Variants in LAMB2 observed in about 807,000 individuals in gnomAD.
LAMB2 encodes laminin subunit beta-2.
In LAMB2, 119 loss-of-function variants were observed where a neutral mutation model predicts 202.7. The ratio of observed to expected loss-of-function variants is 0.59; its 90% CI spans 0.51 to 0.68. The LOEUF (loss-of-function observed/expected upper bound fraction) is 0.68, where lower values mean the gene tolerates loss of function less well. Among genes scored for constraint, LAMB2 ranks in the 30% least tolerant of loss-of-function variants. LAMB2 has a pLI of 0.00. For synonymous variants in LAMB2, 818 were observed against 902.2 expected, an observed-to-expected ratio of 0.91 and a Z score of 1.67; for missense variants, 2,124 against 2,410.6, an observed-to-expected ratio of 0.88 and a Z score of 2.49.
In LAMB2 at chr3:49,129,794, C is replaced by T. The variant is rs910724693; in HGVS notation, c.1405+45G>A. On this transcript the variant is annotated intron_variant, in intron 10 of 31. Coordinates refer to ENST00000305544, the MANE Select transcript of LAMB2 (RefSeq NM_002292.4). The surrounding 1 kb of genome is among the most constrained non-coding windows in gnomAD (Gnocchi z 6.1). The stretch of plus-strand genomic sequence containing the variant: ...TTCAGCTGAGTCAGGAGTAAGAGGA[C>T]AGGGGTTAAAGGTCAGCATAGAAGT... 6.2e-7 allele frequency: 1 copy of T among 1,612,060 alleles called. No individual in the cohort carries two copies. The highest frequency in any genetic ancestry group is 1.3e-5 in the African/African-American group (1 of 74,862).
In LAMB2 at chr3:49,125,108, G is replaced by T. The variant is rs776225413; in HGVS notation, c.2782C>A (p.Pro928Thr). 6 of 1,613,748 alleles carry T rather than the reference G, an allele frequency of 3.7e-6. No homozygotes were observed. Among genetic ancestry groups the T allele is most frequent in the Non-Finnish European group, 5.1e-6 (6 of 1,179,990 alleles). The change falls in exon 20 of 32, where the codon CCC becomes ACC. Residue 928 changes from proline to threonine, a missense_variant. By Grantham distance (38) the Pro-to-Thr change is conservative. Coordinates refer to ENST00000305544, the MANE Select transcript of LAMB2 (RefSeq NM_002292.4). The part of the protein sequence containing the change: ...LPYGGQCRPC[P>T]CPEGPGSQRH... ...TGGCTCCCAGGGCCTTCAGGACAGG[G>T]ACAGGGCCGGCACTGGCCCCCATAT...
chr3:49,126,170 G>GC lies in LAMB2; in HGVS notation c.2152-12_2152-11insG. Reference sequence around the variant, plus strand: ...GGGCAGCAGCACCAGCTGAAGGAGTGAGCAAGGAAGATCGCAGTTCAGACC... The same window carrying GC: ...GGGCAGCAGCACCAGCTGAAGGAGTGCAGCAAGGAAGATCGCAGTTCAGACC... On this transcript the variant is annotated splice_polypyrimidine_tract_variant and intron_variant, in intron 16 of 31. Transcript: ENST00000305544. The GC allele has an allele frequency of 1.9e-6, 3 of 1,611,242 alleles. No homozygotes were observed. Among genetic ancestry groups the GC allele is most frequent in the Non-Finnish European group, 2.5e-6 (3 of 1,179,862 alleles).
At position 49,130,715 on chromosome 3, in the gene LAMB2, C is replaced by T. The variant is rs754314245; in HGVS notation, c.1036+25G>A. ...ACAGCCAGGCTGCAGAGTGCTGGAG[C>T]TATGGAGGCCAAGATCTCACTCACT... On this transcript the variant is annotated intron_variant, in intron 8 of 31. Transcript: ENST00000305544. The surrounding 1 kb of genome is among the most constrained non-coding windows in gnomAD (Gnocchi z 5.0). 6.2e-7 allele frequency: 1 copy of T among 1,613,240 alleles called. No homozygotes were observed. Among genetic ancestry groups the T allele is most frequent in the Middle Eastern group, 1.6e-4 (1 of 6,062 alleles).
chr3:49,125,313 T>A lies in LAMB2; in HGVS notation c.2660A>T (p.Asn887Ile), dbSNP rs376553423. Residue 887 changes from asparagine to isoleucine, a missense_variant, in exon 19 of 32, where the codon AAC (asparagine) becomes ATC (isoleucine). Physicochemically the swap from Asn to Ile is moderately radical, Grantham distance 149. Transcript: ENST00000305544. ...CVCNGHADEC[N>I]THTGACLGCR... is the part of the protein sequence containing the mutation. ...GCCCAGGCAAGCGCCTGTGTGGGTGTTGCACTCATCTGCATGCCCATTGCA... is the reference window on the plus strand; with the variant it reads ...GCCCAGGCAAGCGCCTGTGTGGGTGATGCACTCATCTGCATGCCCATTGCA... 59 of 1,613,834 alleles carry A rather than the reference T, an allele frequency of 3.7e-5. No homozygotes were observed. The African/African-American group carries it at 6.9e-4, about 19-fold the overall frequency.
chr3:49,124,991 C>G lies in LAMB2; in HGVS notation c.2884+15G>C. ...CCAACTCACCCTGATCCCACGCCTG[C>G]CCCCATCCACTCACCCGTATAGCCT... On this transcript the variant is annotated intron_variant, in intron 20 of 31. Coordinates refer to ENST00000305544, the MANE Select transcript of LAMB2 (RefSeq NM_002292.4). The G allele has an allele frequency of 6.2e-7, 1 of 1,613,948 alleles. No homozygotes were observed. The highest frequency in any genetic ancestry group is 1.1e-5 in the South Asian group (1 of 91,076).
chr3:49,132,289 G>C lies in LAMB2; in HGVS notation c.366C>G (p.Ala122=). ...CCTCACCATTCTCTGACTGCCACCA[G>C]GCTGCCCGCCGCTGTGGTGCAAAGC... ...VTSFAPQRRA[A]WWQSENGIPA... Residue 122 remains alanine (A), a synonymous_variant, in exon 3 of 32, where the codon GCC becomes GCG. Coordinates refer to ENST00000305544, the MANE Select transcript of LAMB2 (RefSeq NM_002292.4). This position sits in a 1 kb window ranked among gnomAD's most constrained non-coding sequence, Gnocchi z 4.6. 6.2e-7 allele frequency: 1 copy of C among 1,614,250 alleles called. No homozygotes were observed. Among genetic ancestry groups the C allele is most frequent in the Non-Finnish European group, 8.5e-7 (1 of 1,180,040 alleles).
At position 49,121,874 on chromosome 3, in the gene LAMB2, G is replaced by A; in HGVS notation, c.4924-14C>T. ...CCTCTCCTGTACCTGCCATGGGTGAGCCAAAGGTTACACAGATCTACGGTT... is the reference window on the plus strand; with the variant it reads ...CCTCTCCTGTACCTGCCATGGGTGAACCAAAGGTTACACAGATCTACGGTT... On this transcript the variant is annotated splice_polypyrimidine_tract_variant and intron_variant, in intron 29 of 31. Transcript: ENST00000305544. The A allele has an allele frequency of 6.2e-7, 1 of 1,613,222 alleles. No individual in the cohort carries two copies. Among genetic ancestry groups the A allele is most frequent in the Non-Finnish European group, 8.5e-7 (1 of 1,180,034 alleles).
chr3:49,122,231 CGCATCCACATCT>C lies in LAMB2; in HGVS notation c.4701_4712del (p.Asp1568_Ala1571del). Reference sequence around the variant, plus strand: ...CATCTCCTACAGTACGTGCCAGGATCGCATCCACATCTGCCAGGCTCCGGACTCGCTCTGCAA... The same window carrying C: ...CATCTCCTACAGTACGTGCCAGGATCGCCAGGCTCCGGACTCGCTCTGCAA... On this transcript the variant is annotated inframe_deletion, in exon 28 of 32. Coordinates refer to ENST00000305544, the MANE Select transcript of LAMB2 (RefSeq NM_002292.4). 6.2e-7 allele frequency: 1 copy of C among 1,613,476 alleles called. No individual in the cohort carries two copies. Among genetic ancestry groups the C allele is most frequent in the Non-Finnish European group, 8.5e-7 (1 of 1,180,046 alleles).
At chr3:49,125,586 G>T in intron 18 of LAMB2, 102 bp from the exon 19 acceptor site, 1 of 1,385,466 alleles carries the variant, frequency 7.2e-7, no homozygotes, top group Non-Finnish European at 1.0e-6. Context: ...GAGTCTAGGT[G>T]GGAAGGTCAG....
rs1200209226 is a variant in LAMB2, at chr3:49,123,921, G to A, written c.3604C>T (p.Gln1202Ter). Residue 1202 changes from glutamine (Q) to a stop codon, truncating the protein, a stop_gained, in exon 24 of 32, where the codon CAG (glutamine) becomes TAG (stop). Transcript: ENST00000305544. LOFTEE classifies it high-confidence loss of function. ...ACFGDWDRVV[Q>*]DLAARTQRLE... ...CGCTGTGTACGGGCTGCCAAGTCCTGCACCACTCGGTCCCAATCCCCGAAG... is the reference window on the plus strand; with the variant it reads ...CGCTGTGTACGGGCTGCCAAGTCCTACACCACTCGGTCCCAATCCCCGAAG... 1 of 1,613,232 alleles carries A rather than the reference G, an allele frequency of 6.2e-7. No homozygotes were observed. The highest frequency in any genetic ancestry group is 8.5e-7 in the Non-Finnish European group (1 of 1,180,030).
In LAMB2 at chr3:49,121,969, C is replaced by T. The variant is rs149690378; in HGVS notation, c.4898G>A (p.Arg1633Gln). 4.3e-6 allele frequency: 7 copies of T among 1,613,990 alleles called. No homozygotes were observed. The highest frequency in any genetic ancestry group is 5.1e-6 in the Non-Finnish European group (6 of 1,180,042). Residue 1633 changes from arginine (R) to glutamine (Q), a missense_variant, in exon 29 of 32, where the codon CGG (arginine) becomes CAG (glutamine). Physicochemically the swap from Arg to Gln is conservative, Grantham distance 43 (BLOSUM62 1). This residue lies in a region of LAMB2 where 1,702 missense variants were observed against 1,896.3 expected (regional missense o/e 0.90). Transcript: ENST00000305544. ...CTGGTACAGGGTCTGCTCTGTGTCC[C>T]GTGTGTCAGCCACTGCCCCCCGGAT... Reference protein sequence around the residue: ...GAIRGAVADTRDTEQTLYQVQ... With the variant: ...GAIRGAVADTQDTEQTLYQVQ...
At chr3:49,127,891 G>A (rs544002151) in intron 15 of LAMB2, among the ~76,000 whole-genome samples, 3 of 151,182 alleles carry the variant, frequency 2.0e-5, no homozygotes, top group East Asian at 3.9e-4. Context: ...GTGGTGGCGT[G>A]CACCTGTAGT....
intron 15 of LAMB2, among the ~76,000 whole-genome samples, chr3:49,127,497 C>T (rs1345236988): frequency 2.6e-5 from 4 of 151,890 alleles, no homozygotes; most frequent in Non-Finnish European, 5.9e-5. Context: ...AGATCGAGAC[C>T]ATCCTGGCTA....
rs2045385772 is a variant in LAMB2 at position 49,124,303 on chromosome 3, G to A, written c.3328-17C>T. The A allele has an allele frequency of 6.2e-7, 1 of 1,613,846 alleles. No homozygotes were observed. The highest frequency in any genetic ancestry group is 1.3e-5 in the African/African-American group (1 of 75,068). ...CCCTGTGAACTGGGGTGGGAACAAG[G>A]CAGGGTCAGAGCCTCTATAAGAGGC... On this transcript the variant is annotated splice_polypyrimidine_tract_variant and intron_variant, in intron 22 of 31. Transcript: ENST00000305544.
intron 31 of LAMB2, 30 bp from the exon 32 acceptor site, chr3:49,121,392 G>A: frequency 6.2e-7 from 1 of 1,614,110 alleles, no homozygotes; most frequent in Non-Finnish European, 8.5e-7. Flanking sequence ...GTTTAGGGGG[G>A]GTTTCCCGCA....
rs897648368 is a variant in LAMB2 at position 49,121,546 on chromosome 3, A to G, written c.5147T>C (p.Leu1716Pro). ...LGDQYQTVKA[L>P]AERKAQGVLA... Reference sequence around the variant, plus strand: ...CACACCTTGGGCCTTGCGCTCAGCTAGGGCCTTCACCGTCTGGTACTGATC... The same window carrying G: ...CACACCTTGGGCCTTGCGCTCAGCTGGGGCCTTCACCGTCTGGTACTGATC... The change falls in exon 31 of 32, where the codon CTA becomes CCA. Residue 1716 changes from leucine (L) to proline (P), a missense_variant. By Grantham distance (98) the Leu-to-Pro change is moderately conservative (BLOSUM62 -3). Coordinates refer to ENST00000305544, the MANE Select transcript of LAMB2 (RefSeq NM_002292.4). 1 of 1,613,856 alleles carries G rather than the reference A, an allele frequency of 6.2e-7. No homozygotes were observed. The highest frequency in any genetic ancestry group is 1.3e-5 in the African/African-American group (1 of 74,906).
At position 49,129,861 on chromosome 3, in the gene LAMB2, G is replaced by A. The variant is rs373952285; in HGVS notation, c.1383C>T (p.Ile461=). Residue 461 remains isoleucine, a synonymous_variant, in exon 10 of 32, where the codon ATC becomes ATT. Transcript: ENST00000305544. The surrounding 1 kb of genome is among the most constrained non-coding windows in gnomAD (Gnocchi z 6.1). ...QCRDGFFGLS[I]SDRLGCRRCQ... is the part of the protein sequence containing the mutation. ...TACGCCGGCAGCCCAGACGGTCACT[G>A]ATGCTGAGCCCAAAGAAGCCATCAC... is the stretch of plus-strand genomic sequence containing the variant. 5.0e-6 allele frequency: 8 copies of A among 1,613,894 alleles called. No homozygotes were observed. In the African/African-American group the frequency reaches 9.3e-5, roughly 19 times the overall value.
Position 49,121,654 on chromosome 3 carries a change from C to T in LAMB2, c.5100+30G>A, listed in dbSNP as rs760610368. 2.6e-5 allele frequency: 42 copies of T among 1,613,928 alleles called. No homozygotes were observed. The Admixed American group carries it at 6.0e-4, about 23-fold the overall frequency. The stretch of plus-strand genomic sequence containing the variant: ...AGTGGAGGCCCATCTTCCACCCCTA[C>T]CTTCTCCAGCTGGCTCTGCCTCAAC... On this transcript the variant is annotated intron_variant, in intron 30 of 31. Coordinates refer to ENST00000305544, the MANE Select transcript of LAMB2 (RefSeq NM_002292.4).
At chr3:49,128,033 A>C (rs1003251382) in intron 15 of LAMB2, among the ~76,000 whole-genome samples, 1 of 150,616 alleles carries the variant, frequency 6.6e-6, no homozygotes, top group Non-Finnish European at 1.5e-5. Flanking sequence ...AAAAAAAAAA[A>C]AAAAAAGAAA....
Sources: allele counts gnomAD v4.1 joint callset (sites outside exome capture counted in the v4.1 genomes callset), GRCh38; gene constraint gnomAD v4.1.1; regional missense constraint gnomAD v4.1.1; non-coding constraint Gnocchi (gnomAD v3.1); transcripts MANE v1.5; gene names NCBI Gene and HGNC (gene_info 2026-07-23, HGNC 2026-07-21).